CDH12: variants seen among roughly 807,000 people sequenced by gnomAD.
CDH12 encodes cadherin-12.
A neutral mutation model predicts 74.1 loss-of-function variants in CDH12; 41 were observed. The ratio of observed to expected loss-of-function variants is 0.55; its 90% CI spans 0.43 to 0.72. The LOEUF is 0.72. Ranked by LOEUF, CDH12 falls within the 30% of genes least tolerant of loss-of-function variation. The pLI is 0.00. For missense variants in CDH12, 945 were observed against 977.2 expected (o/e 0.97, Z 0.44); for synonymous variants, 399 against 355.0 (o/e 1.12, Z -1.39).
At chr5:21,757,673 T>TA (rs1744478267) in intron 13 of CDH12, among the ~76,000 whole-genome samples, 1 of 152,316 alleles carries the variant, frequency 6.6e-6, no homozygotes, top group South Asian at 2.1e-4. Context: ...AGCACTCTGC[T>TA]ATAAGTCAGT....
chr5:22,519,776 A>T lies in CDH12; in HGVS notation c.-522-14412T>A, dbSNP rs147437822. On this transcript the variant is annotated intron_variant, in intron 1 of 14. Coordinates refer to ENST00000382254, the MANE Select transcript of CDH12 (RefSeq NM_004061.5). ...AGAATAGCTGAACAATACTGTTCAG[A>T]TCCACAGTATTTTACTGTATAGCTA... Among the ~76,000 whole-genome samples, 62 of 152,254 alleles carry T rather than the reference A, an allele frequency of 4.1e-4. No homozygotes were observed. The East Asian group carries it at 0.011, about 28-fold the overall frequency.
intron 4 of CDH12, among the ~76,000 whole-genome samples, chr5:22,184,867 T>C (rs1396300622): frequency 6.6e-6 from 1 of 152,168 alleles, no homozygotes; most frequent in Non-Finnish European, 1.5e-5. Flanking sequence ...TAAAAAACTT[T>C]TAAGTTCAAG....
At chr5:22,135,731 G>A (rs899806981) in intron 4 of CDH12, among the ~76,000 whole-genome samples, 2 of 152,008 alleles carry the variant, frequency 1.3e-5, no homozygotes, top group Non-Finnish European at 1.5e-5. Context: ...AAGGTTCTGG[G>A]AAGCTGGAAC....
chr5:22,224,715 C>T (rs748308608), intron 3 of CDH12, among the ~76,000 whole-genome samples: 3 of 151,818 alleles, frequency 2.0e-5, no homozygotes, highest in African/African-American at 4.8e-5. Flanking sequence ...AGTCAGTTGT[C>T]GGCAATATCA....
intron 2 of CDH12, among the ~76,000 whole-genome samples, chr5:22,504,139 G>C (rs931453365): frequency 6.6e-6 from 1 of 151,806 alleles, no homozygotes; most frequent in Non-Finnish European, 1.5e-5. Flanking sequence ...TTTGAATATT[G>C]ATGAGAACAA....
Position 21,783,428 on chromosome 5 carries a change from G to A in CDH12, c.1323C>T (p.Ile441=), listed in dbSNP as rs112884095. 1.6e-5 allele frequency: 25 copies of A among 1,606,980 alleles called. No individual in the cohort carries two copies. The highest frequency in any genetic ancestry group is 3.3e-5 in the Admixed American group (2 of 59,992). ...CTCTGTCTAGTAATTCATTAGTGGC[G>A]ATGGTTCCTTCATTTCCATCTATTG... ...YFTIDGNEGT[I]ATNELLDRES... is the part of the protein sequence containing the mutation. Residue 441 remains isoleucine, a synonymous_variant, in exon 11 of 15, where the codon ATC becomes ATT. Coordinates refer to ENST00000382254, the MANE Select transcript of CDH12 (RefSeq NM_004061.5).
chr5:21,891,572 T>TACACACACACACACACACACACACACAC (rs66657734), intron 6 of CDH12, among the ~76,000 whole-genome samples: 7 of 144,928 alleles, frequency 4.8e-5, no homozygotes, highest in East Asian at 4.1e-4. Flanking sequence ...CACACACACA[T>TACACACACACACACACACACACACACAC]ACACACACAC....
intron 1 of CDH12, among the ~76,000 whole-genome samples, chr5:22,751,333 A>AAT (rs1412485052): frequency 1.1e-4 from 8 of 72,824 alleles, no homozygotes; most frequent in African/African-American, 3.9e-4. Context: ...ATATATATAT[A>AAT]ATATACATAT....
chr5:22,443,182 C>A (rs1466621003), intron 2 of CDH12, among the ~76,000 whole-genome samples: 1 of 152,154 alleles, frequency 6.6e-6, no homozygotes, highest in Non-Finnish European at 1.5e-5. Context: ...TAAAGATCAT[C>A]ATCATAGCAG....
chr5:22,418,095 T>A (rs570791316), intron 2 of CDH12, among the ~76,000 whole-genome samples: 1 of 152,334 alleles, frequency 6.6e-6, no homozygotes, highest in Admixed American at 6.5e-5. Context: ...TGGAATGTTT[T>A]TCCATTTGTG....
chr5:22,582,548 C>T (rs1428250270), intron 1 of CDH12, among the ~76,000 whole-genome samples: 2 of 152,164 alleles, frequency 1.3e-5, no homozygotes, highest in African/African-American at 2.4e-5. Context: ...ATTGTTCCCA[C>T]AGGAGTACCT....
At chr5:22,436,372 T>G (rs1380230723) in intron 2 of CDH12, among the ~76,000 whole-genome samples, 2 of 145,774 alleles carry the variant, frequency 1.4e-5, no homozygotes, top group Non-Finnish European at 3.0e-5. Context: ...CACACCAACA[T>G]GGCAGATGTA....
chr5:22,201,670 AC>A (rs1311257413), intron 4 of CDH12, among the ~76,000 whole-genome samples: 4 of 152,086 alleles, frequency 2.6e-5, no homozygotes, highest in Non-Finnish European at 2.9e-5. Context: ...TTAAATATAT[AC>A]AAAAAAATGG....
chr5:22,462,067 G>A (rs531878183), intron 2 of CDH12, among the ~76,000 whole-genome samples: 7 of 152,122 alleles, frequency 4.6e-5, no homozygotes, highest in Admixed American at 2.6e-4. Context: ...CTAAAAGAAT[G>A]ATAATTTATG....
intron 7 of CDH12, among the ~76,000 whole-genome samples, chr5:21,853,775 C>T (rs983662789): frequency 1.3e-4 from 19 of 151,566 alleles, no homozygotes; most frequent in Non-Finnish European, 2.1e-4. Context: ...AATCAATTTA[C>T]AAATTTAAAA....
intron 1 of CDH12, among the ~76,000 whole-genome samples, chr5:22,586,895 G>A (rs1740432756): frequency 7.2e-6 from 1 of 139,842 alleles, no homozygotes; most frequent in Non-Finnish European, 1.5e-5. Flanking sequence ...TGCTCAGGCT[G>A]GAGTGCAATG....
At chr5:21,802,112 T>G (rs1335668115) in intron 10 of CDH12, 55 bp downstream of exon 10, 7 of 1,533,246 alleles carry the variant, frequency 4.6e-6, no homozygotes, top group Non-Finnish European at 5.3e-6. Context: ...TGGTTTTTGT[T>G]CTTGTTTTGT....
At chr5:22,121,404 C>T (rs114465785) in intron 4 of CDH12, among the ~76,000 whole-genome samples, 2,561 of 152,276 alleles carry the variant, frequency 0.017, 25 homozygotes, top group Non-Finnish European at 0.025. Context: ...TGGGCTGTTT[C>T]ACAGCATCCA....
At chr5:22,703,557 T>C (rs906376220) in intron 1 of CDH12, among the ~76,000 whole-genome samples, 1 of 152,168 alleles carries the variant, frequency 6.6e-6, no homozygotes, top group South Asian at 2.1e-4. Context: ...CCTGAAATTA[T>C]AAAACAAGAT....
Sources: gnomAD v4.1 joint callset for allele counts (sites outside exome capture counted in the v4.1 genomes callset) on GRCh38, gnomAD v4.1.1 for gene constraint, MANE v1.5 for transcripts, NCBI Gene and HGNC (gene_info 2026-07-23, HGNC 2026-07-21) for gene names.